RAPGEF5: variants seen among roughly 807,000 people sequenced by gnomAD.
The protein encoded by RAPGEF5 is M-Ras-regulated GEF.
A neutral mutation model predicts 125.2 loss-of-function variants in RAPGEF5; 65 were observed. The ratio of observed to expected loss-of-function variants is 0.52; its 90% CI spans 0.43 to 0.64. RAPGEF5 has a LOEUF of 0.64. Among genes scored for constraint, RAPGEF5 ranks in the 30% least tolerant of loss-of-function variants. The pLI, the probability that RAPGEF5 is intolerant of heterozygous loss-of-function variation, is 0.00. For missense variants in RAPGEF5, 958 were observed against 1,048.1 expected, an observed-to-expected ratio of 0.91 and a Z score of 1.19; for synonymous variants, 391 against 385.9, an observed-to-expected ratio of 1.01 and a Z score of -0.16.
At chr7:22,254,860 T>A (rs1244184060) in intron 7 of RAPGEF5, among the ~76,000 whole-genome samples, 2 of 151,870 alleles carry the variant, frequency 1.3e-5, no homozygotes, top group Non-Finnish European at 2.9e-5. Flanking sequence ...CCTGTGAAAA[T>A]CGAATGCTGC....
rs186466322 is a variant in RAPGEF5 at position 22,221,521 on chromosome 7, G to A, written c.871-1530C>T. On this transcript the variant is annotated intron_variant, in intron 8 of 25. Transcript: ENST00000665637. ...CGCCACCCAAATCTCATCTCAAATT[G>A]TAGTTCCCATAATCCCCACATGTTG... is the stretch of plus-strand genomic sequence containing the variant. Among the ~76,000 whole-genome samples the A allele has an allele frequency of 1.5e-3, 233 of 152,164 alleles. 1 individual carries two copies. In the South Asian group the frequency reaches 0.024, roughly 16 times the overall value.
intron 7 of RAPGEF5, among the ~76,000 whole-genome samples, chr7:22,263,800 GAATTAA>G (rs1782218385): frequency 1.3e-5 from 2 of 151,304 alleles, no homozygotes; most frequent in South Asian, 4.2e-4. Context: ...AAAATACAAA[GAATTAA>G]AATTAAAATT....
chr7:22,306,235 G>A (rs1393471491), intron 5 of RAPGEF5, among the ~76,000 whole-genome samples: 1 of 152,028 alleles, frequency 6.6e-6, no homozygotes, highest in Non-Finnish European at 1.5e-5. Flanking sequence ...TTGAACATAA[G>A]CCATTGTCTT....
At position 22,310,022 on chromosome 7, in the gene RAPGEF5, G is replaced by T. The variant is rs1783431829; in HGVS notation, c.458C>A (p.Ser153Tyr). 2 of 1,602,748 alleles carry T rather than the reference G, an allele frequency of 1.2e-6. No homozygotes were observed. Among genetic ancestry groups the T allele is most frequent in the Non-Finnish European group, 1.7e-6 (2 of 1,176,180 alleles). The change falls in exon 4 of 26, where the codon TCT becomes TAT. Residue 153 changes from serine to tyrosine, a missense_variant. Coordinates refer to ENST00000665637, the MANE Select transcript of RAPGEF5 (RefSeq NM_012294.5). ...LEHCPFVQCR[S>Y]MAIGVWQLLL... Reference sequence around the variant, plus strand: ...GAGTTGCCAGACTCCTATGGCCATAGATCTGCACTGGACGAAAGGACAGTG... The same window carrying T: ...GAGTTGCCAGACTCCTATGGCCATATATCTGCACTGGACGAAAGGACAGTG...
At chr7:22,214,318 T>G (rs73683327) in intron 9 of RAPGEF5, among the ~76,000 whole-genome samples, 2,490 of 151,688 alleles carry the variant, frequency 0.016, 74 homozygotes, top group African/African-American at 0.058. Context: ...CAGAAGAAAA[T>G]GGGGTGGGGC....
chr7:22,122,525 T>C lies in RAPGEF5; in HGVS notation c.2537-4A>G. On this transcript the variant is annotated splice_region_variant and splice_polypyrimidine_tract_variant and intron_variant, in intron 25 of 25. Transcript: ENST00000665637. Reference sequence around the variant, plus strand: ...TGCTCTTTTGGAGACAGGTCACCTGTTGTTTAGAGGGGGAAAAAAGACAAT... The same window carrying C: ...TGCTCTTTTGGAGACAGGTCACCTGCTGTTTAGAGGGGGAAAAAAGACAAT... The C allele has an allele frequency of 1.9e-6, 3 of 1,603,314 alleles. No individual in the cohort carries two copies. The highest frequency in any genetic ancestry group is 2.6e-6 in the Non-Finnish European group (3 of 1,170,788).
At chr7:22,164,825 C>T (rs566314533) in intron 12 of RAPGEF5, among the ~76,000 whole-genome samples, 26 of 152,082 alleles carry the variant, frequency 1.7e-4, no homozygotes, top group Admixed American at 5.9e-4. Context: ...GAATTTAATG[C>T]TCTTTATGAT....
At chr7:22,222,076 G>A (rs369551213) in intron 8 of RAPGEF5, among the ~76,000 whole-genome samples, 27 of 151,966 alleles carry the variant, frequency 1.8e-4, no homozygotes, top group East Asian at 5.8e-4. Flanking sequence ...GTGAAACCCC[G>A]TCTCTACTAA....
chr7:22,340,217 A>G (rs1434497086), intron 1 of RAPGEF5, among the ~76,000 whole-genome samples: 1 of 152,188 alleles, frequency 6.6e-6, no homozygotes, highest in Non-Finnish European at 1.5e-5. Context: ...ATGACAGCAA[A>G]CAAGCGCCTG....
intron 24 of RAPGEF5, among the ~76,000 whole-genome samples, chr7:22,127,005 C>G (rs1782768068): frequency 6.7e-6 from 1 of 148,810 alleles, no homozygotes; most frequent in Non-Finnish European, 1.5e-5. Flanking sequence ...AATTTCTTTC[C>G]TTGAAGTCCT....
chr7:22,346,735 G>T (rs1208492632), intron 1 of RAPGEF5, among the ~76,000 whole-genome samples: 1 of 152,142 alleles, frequency 6.6e-6, no homozygotes, highest in African/African-American at 2.4e-5. Context: ...AACCAACTAG[G>T]ATGCAAAAAC....
chr7:22,311,035 AT>A (rs549263365), intron 3 of RAPGEF5, among the ~76,000 whole-genome samples: 4 of 151,928 alleles, frequency 2.6e-5, no homozygotes, highest in Non-Finnish European at 4.4e-5. Context: ...ATGAAAAAAA[AT>A]TTTTTTTGAG....
intron 8 of RAPGEF5, chr7:22,220,219 G>A (rs916272125): frequency 2.1e-6 from 1 of 481,576 alleles, no homozygotes; most frequent in East Asian, 3.4e-5. Flanking sequence ...ACTTTAAGAG[G>A]GTGAAGGACA....
At position 22,194,012 on chromosome 7, in the gene RAPGEF5, C is replaced by G. The variant is rs1273478649; in HGVS notation, c.1018G>C (p.Val340Leu). 1.9e-6 allele frequency: 3 copies of G among 1,613,888 alleles called. No individual in the cohort carries two copies. The highest frequency in any genetic ancestry group is 1.1e-5 in the South Asian group (1 of 91,054). Residue 340 changes from valine (V) to leucine (L), a missense_variant, in exon 10 of 26, where the codon GTT (valine) becomes CTT (leucine). By Grantham distance (32) the Val-to-Leu change is conservative. Transcript: ENST00000665637. The part of the protein sequence containing the change: ...SEHQDDEVTT[V>L]QVKEQDQSVL... ...CTCTGGTCTTGCTCTTTAACCTGAA[C>G]AGTCGTCACTTCATCATCTTGCTTT...
At chr7:22,140,444 C>T (rs1562711784) in intron 20 of RAPGEF5, among the ~76,000 whole-genome samples, 1 of 152,170 alleles carries the variant, frequency 6.6e-6, no homozygotes, top group Non-Finnish European at 1.5e-5. Context: ...ATACGCCCCA[C>T]TCTCCTTTTA....
At chr7:22,135,323 G>A (rs538413590) in intron 23 of RAPGEF5, among the ~76,000 whole-genome samples, 3 of 152,138 alleles carry the variant, frequency 2.0e-5, no homozygotes, top group Non-Finnish European at 4.4e-5. Context: ...CCTTTCCCTG[G>A]AAGCATACAG....
chr7:22,156,841 C>A lies in RAPGEF5; in HGVS notation c.1605G>T (p.Gln535His). The change falls in exon 16 of 26, where the codon CAG (glutamine) becomes CAT (histidine). Residue 535 changes from glutamine (Q) to histidine (H), a missense_variant. Gln to His is a conservative substitution (Grantham distance 24). Coordinates refer to ENST00000665637, the MANE Select transcript of RAPGEF5 (RefSeq NM_012294.5). ...CCGTTTCAGTCACAGTTCCTCTATG[C>A]TGGAGCCAGTTCTCCTTAAGACTGA... ...HQFSLKENWL[Q>H]HRGTVTETEE... 6.2e-7 allele frequency: 1 copy of A among 1,613,956 alleles called. No homozygotes were observed. Among genetic ancestry groups the A allele is most frequent in the Non-Finnish European group, 8.5e-7 (1 of 1,179,852 alleles).
At chr7:22,190,331 G>C (rs1784953446) in intron 11 of RAPGEF5, among the ~76,000 whole-genome samples, 1 of 152,122 alleles carries the variant, frequency 6.6e-6, no homozygotes, top group Non-Finnish European at 1.5e-5. Flanking sequence ...TATCATACTG[G>C]ATGACTTCTT....
chr7:22,171,196 T>A (rs577919500), intron 11 of RAPGEF5, among the ~76,000 whole-genome samples: 13 of 152,200 alleles, frequency 8.5e-5, no homozygotes, highest in African/African-American at 1.2e-4. Context: ...ATGATGGTTA[T>A]ATGAATGATC....
Sources: allele counts gnomAD v4.1 joint callset (sites outside exome capture counted in the v4.1 genomes callset), GRCh38; gene constraint gnomAD v4.1.1; transcripts MANE v1.5; gene names NCBI Gene and HGNC (gene_info 2026-07-23, HGNC 2026-07-21).